Variants in HMCN1 observed in about 807,000 individuals in gnomAD.
HMCN1 encodes the protein hemicentin 1, also known as hemicentin-1.
In HMCN1, 321 loss-of-function variants were observed where a neutral mutation model predicts 625.9. That is an observed-to-expected ratio of 0.51 (90% CI 0.47 to 0.56). The LOEUF (loss-of-function observed/expected upper bound fraction) is 0.56, where lower values mean the gene tolerates loss of function less well. Among genes scored for constraint, HMCN1 ranks in the 20% least tolerant of loss-of-function variants. The pLI, the probability that HMCN1 is intolerant of heterozygous loss-of-function variation, is 0.00. For missense variants in HMCN1, 6,588 were observed against 6,887.3 expected (o/e 0.96, Z 1.54); for synonymous variants, 2,425 against 2,417.6 (o/e 1.00, Z -0.09).
rs755893317 is a variant in HMCN1 at position 186,087,305 on chromosome 1, G to T, written c.9135G>T (p.Lys3045Asn). The change falls in exon 59 of 107, where the codon AAG (lysine) becomes AAT (asparagine). Residue 3045 changes from lysine to asparagine, a missense_variant. Around this residue, in one of 3 missense-constraint regions of HMCN1, gnomAD observed 4,628 missense variants for 4,853.1 expected, o/e 0.95. Transcript: ENST00000271588. ...CTATCAATCAAGCTGGCGAAAGCAA[G>T]AAAAAGTTTTCCCTGACTGTTTATG... ...CIAINQAGES[K>N]KKFSLTVYVP... 6.2e-7 allele frequency: 1 copy of T among 1,613,100 alleles called. No individual in the cohort carries two copies. Among genetic ancestry groups the T allele is most frequent in the East Asian group, 2.2e-5 (1 of 44,844 alleles).
intron 87 of HMCN1, 115 bp downstream of exon 87, chr1:186,137,052 A>T (rs1156400916): frequency 1.6e-6 from 2 of 1,252,374 alleles, no homozygotes; most frequent in African/African-American, 2.9e-5. Context: ...CTTTTAGATG[A>T]TGGGGAGAGG....
rs77812646 is a variant in HMCN1 at position 186,050,364 on chromosome 1, A to G, written c.6577+1525A>G. ...AGGTTGCAATGAAATCACTTGGAGAAGGTAAAAGGAATGTATACAGAAGAG... is the reference window on the plus strand; with the variant it reads ...AGGTTGCAATGAAATCACTTGGAGAGGGTAAAAGGAATGTATACAGAAGAG... On this transcript the variant is annotated intron_variant, in intron 42 of 106. Coordinates refer to ENST00000271588, the MANE Select transcript of HMCN1 (RefSeq NM_031935.3). Among the ~76,000 whole-genome samples, 42 of 152,080 alleles carry G rather than the reference A, an allele frequency of 2.8e-4. 1 individual carries two copies. In the East Asian group the frequency reaches 8.1e-3, roughly 29 times the overall value.
At chr1:185,911,622 T>TA in intron 5 of HMCN1, 52 bp from the exon 6 acceptor site, 1 of 1,238,720 alleles carries the variant, frequency 8.1e-7, no homozygotes, top group Non-Finnish European at 1.2e-6. Flanking sequence ...TTAGCTAATA[T>TA]ACATAGCTGA....
rs1334778989 is a variant in HMCN1 at position 186,189,695 on chromosome 1, A to G, written c.16725A>G (p.Glu5575=). 28 of 1,613,320 alleles carry G rather than the reference A, an allele frequency of 1.7e-5. No individual in the cohort carries two copies. The highest frequency in any genetic ancestry group is 2.4e-5 in the Non-Finnish European group (28 of 1,179,480). The change falls in exon 107 of 107, where the codon GAA becomes GAG. Residue 5575 remains glutamate, a synonymous_variant. Transcript: ENST00000271588. The stretch of plus-strand genomic sequence containing the variant: ...CAACTTTCCTCATGGTAGATGAGGA[A>G]CAGACTGTTCCTTTTGCCTTGAGGG... The part of the protein sequence containing the change: ...PRTTFLMVDE[E]QTVPFALRDE...
chr1:185,983,713 G>A (rs1377741618), intron 18 of HMCN1, among the ~76,000 whole-genome samples: 6 of 152,202 alleles, frequency 3.9e-5, no homozygotes, highest in Admixed American at 2.0e-4. Flanking sequence ...TACCTAACAA[G>A]GGTGGGTGTT....
At position 186,126,450 on chromosome 1, in the gene HMCN1, A is replaced by AAGTC. The variant is rs1661649946; in HGVS notation, c.12690+659_12690+662dup. On this transcript the variant is annotated intron_variant, in intron 82 of 106. Coordinates refer to ENST00000271588, the MANE Select transcript of HMCN1 (RefSeq NM_031935.3). ...AAAAATAGTAATGTCAGAAGAAAAT[A>AAGTC]AGTCAGAAGAAAAAAGTGGCATGAA... Among the ~76,000 whole-genome samples the AAGTC allele has an allele frequency of 5.9e-5, 9 of 152,078 alleles. No individual in the cohort carries two copies. The South Asian group carries it at 1.9e-3, about 32-fold the overall frequency.
In HMCN1 at chr1:185,846,054, T is replaced by C. The variant is rs1291402324; in HGVS notation, c.297T>C (p.Asp99=). The C allele has an allele frequency of 6.2e-7, 1 of 1,612,490 alleles. No homozygotes were observed. ...TTGGCCCAGTGACAATTACCACAGA[T>C]CCCAAGAAATTTCAATATGAACTCA... The part of the protein sequence containing the change: ...PEIGPVTITT[D]PKKFQYELRE... The change falls in exon 2 of 107, where the codon GAT becomes GAC. Residue 99 remains aspartate, a synonymous_variant. Transcript: ENST00000271588.
At chr1:186,014,568 T>C (rs958330579) in intron 30 of HMCN1, among the ~76,000 whole-genome samples, 1 of 152,038 alleles carries the variant, frequency 6.6e-6, no homozygotes, top group Non-Finnish European at 1.5e-5. Context: ...CCTTATGTAG[T>C]GTGAGAGGCC....
At chr1:185,911,889 T>A (rs945906405) in intron 6 of HMCN1, 109 bp downstream of exon 6, 4 of 852,478 alleles carry the variant, frequency 4.7e-6, no homozygotes, top group South Asian at 4.1e-5. Flanking sequence ...TCATGGAGAG[T>A]GCTTGTAATA....
intron 68 of HMCN1, among the ~76,000 whole-genome samples, chr1:186,101,915 A>G (rs1660400985): frequency 1.3e-5 from 2 of 152,238 alleles, no homozygotes; most frequent in South Asian, 4.1e-4. Context: ...TAGTTCAGAG[A>G]ATCAATAAAT....
chr1:186,053,671 C>T (rs1473506651), intron 43 of HMCN1, among the ~76,000 whole-genome samples, 154 bp from the exon 44 acceptor site: 1 of 152,024 alleles, frequency 6.6e-6, no homozygotes, highest in Non-Finnish European at 1.5e-5. Context: ...TTAAATATTA[C>T]TGCTCCTTCA....
At chr1:185,866,938 G>A (rs1485426650) in intron 4 of HMCN1, among the ~76,000 whole-genome samples, 3 of 151,808 alleles carry the variant, frequency 2.0e-5, no homozygotes, top group East Asian at 3.9e-4. Context: ...GTGTGCCATG[G>A]CATAATTCAT....
At position 186,112,827 on chromosome 1, in the gene HMCN1, C is replaced by T. The variant is rs778136010; in HGVS notation, c.11005C>T (p.Arg3669Ter). The change falls in exon 72 of 107, where the codon CGA (arginine) becomes TGA (stop). Residue 3669 changes from arginine to a stop codon, truncating the protein, a stop_gained. Coordinates refer to ENST00000271588, the MANE Select transcript of HMCN1 (RefSeq NM_031935.3). LOFTEE classifies it high-confidence loss of function. ...GERLQATPRV[R>*]ILSGGRYLQI... Reference sequence around the variant, plus strand: ...CTGAATCCAGGCAACACCTCGAGTGCGAATCCTATCTGGAGGGAGATACTT... The same window carrying T: ...CTGAATCCAGGCAACACCTCGAGTGTGAATCCTATCTGGAGGGAGATACTT... 35 of 1,613,958 alleles carry T rather than the reference C, an allele frequency of 2.2e-5. No homozygotes were observed. The highest frequency in any genetic ancestry group is 4.0e-5 in the African/African-American group (3 of 74,904).
At chr1:186,147,909 C>T (rs1650423488) in intron 93 of HMCN1, among the ~76,000 whole-genome samples, 1 of 152,164 alleles carries the variant, frequency 6.6e-6, no homozygotes, top group Non-Finnish European at 1.5e-5. Context: ...GTTAGGGTGG[C>T]TGTGGCAATT....
At chr1:185,974,493 G>C (rs767739373) in intron 15 of HMCN1, among the ~76,000 whole-genome samples, 8 of 152,102 alleles carry the variant, frequency 5.3e-5, no homozygotes, top group Non-Finnish European at 1.0e-4. Flanking sequence ...AAGCCACTTA[G>C]TGTGCTCTTC....
At chr1:185,876,411 C>G (rs1663934798) in intron 4 of HMCN1, among the ~76,000 whole-genome samples, 1 of 151,684 alleles carries the variant, frequency 6.6e-6, no homozygotes, top group Non-Finnish European at 1.5e-5. Context: ...AATTTTTTTC[C>G]TTTGGGTAGA....
At position 186,117,106 on chromosome 1, in the gene HMCN1, A is replaced by G. The variant is rs777001598; in HGVS notation, c.11674A>G (p.Thr3892Ala). Reference protein sequence around the residue: ...AGDDKRTVDLTVQVPPSIADE... With the variant: ...AGDDKRTVDLAVQVPPSIADE... The stretch of plus-strand genomic sequence containing the variant: ...AGATGATAAAAGAACTGTGGATCTC[A>G]CTGTCCAAGGTAGAATTGGCTTGGA... Residue 3892 changes from threonine to alanine, a missense_variant, in exon 76 of 107, where the codon ACT becomes GCT. Thr to Ala is a moderately conservative substitution (Grantham distance 58, BLOSUM62 0). Transcript: ENST00000271588. The G allele has an allele frequency of 6.2e-7, 1 of 1,613,258 alleles. No homozygotes were observed. Among genetic ancestry groups the G allele is most frequent in the African/African-American group, 1.3e-5 (1 of 74,896 alleles).
At chr1:185,758,643 TAAAC>T (rs151162573) in intron 1 of HMCN1, among the ~76,000 whole-genome samples, 1 of 151,970 alleles carries the variant, frequency 6.6e-6, no homozygotes, top group African/African-American at 2.4e-5. Flanking sequence ...TACAAACAAA[TAAAC>T]AAACACAAAA....
chr1:185,966,867 A>G (rs1650445674), intron 14 of HMCN1, among the ~76,000 whole-genome samples: 1 of 152,128 alleles, frequency 6.6e-6, no homozygotes. Flanking sequence ...TAGAAAATAA[A>G]TAGTTTTAAA....
Sources: gnomAD v4.1 joint callset for allele counts (sites outside exome capture counted in the v4.1 genomes callset) on GRCh38, gnomAD v4.1.1 for gene constraint, gnomAD v4.1.1 regional missense constraint, MANE v1.5 for transcripts, NCBI Gene and HGNC (gene_info 2026-07-23, HGNC 2026-07-21) for gene names.